TCN2: variants seen among roughly 807,000 people sequenced by gnomAD.
TCN2 encodes the protein transcobalamin-2.
In TCN2, 34 loss-of-function variants were observed where a neutral mutation model predicts 48.6. That is an observed-to-expected ratio of 0.70 (90% CI 0.53 to 0.93). The LOEUF (loss-of-function observed/expected upper bound fraction) is 0.93. TCN2 is among the 40% of genes least tolerant of loss of function. The probability of loss-of-function intolerance (pLI) is 0.00; values close to 1 mark genes in which losing one functional copy is unlikely to be tolerated. For missense variants in TCN2, 652 were observed against 526.1 expected, an observed-to-expected ratio of 1.24 and a Z score of -2.34; for synonymous variants, 283 against 212.5, an observed-to-expected ratio of 1.33 and a Z score of -2.89.
intron 8 of TCN2, among the ~76,000 whole-genome samples, chr22:30,625,559 C>T (rs1251591258): frequency 6.6e-6 from 1 of 152,110 alleles, no homozygotes; most frequent in African/African-American, 2.4e-5. Flanking sequence ...GCCTCCCTGG[C>T]TTAAGCGATC....
intron 7 of TCN2, 24 bp downstream of exon 7, chr22:30,617,519 T>A (rs942554685): frequency 6.2e-6 from 10 of 1,613,760 alleles, no homozygotes; most frequent in Non-Finnish European, 8.5e-6. Context: ...CTCCCAGTCC[T>A]CACCCCACCC....
chr22:30,620,681 A>C (rs977616060), intron 7 of TCN2, among the ~76,000 whole-genome samples: 2 of 152,240 alleles, frequency 1.3e-5, no homozygotes, highest in Non-Finnish European at 2.9e-5. Flanking sequence ...AATGAAAGAC[A>C]ATTAGAATTT....
At position 30,623,101 on chromosome 22, in the gene TCN2, A is replaced by C. The variant is rs2087722385; in HGVS notation, c.1222+18A>C. ...GTTGCAAGGTGAGTCATGGCCTGAC[A>C]CTCTGGATGTGTCCCCTACCCCAAG... On this transcript the variant is annotated intron_variant, in intron 8 of 8. Transcript: ENST00000215838. 1 of 1,612,472 alleles carries C rather than the reference A, an allele frequency of 6.2e-7. No homozygotes were observed. The highest frequency in any genetic ancestry group is 2.2e-5 in the East Asian group (1 of 44,834).
chr22:30,610,213 C>T, intron 1 of TCN2: 2 of 471,178 alleles, frequency 4.2e-6, no homozygotes, highest in South Asian at 3.1e-5. Flanking sequence ...CTCACAATCT[C>T]AGGTCCTCTT....
intron 7 of TCN2, among the ~76,000 whole-genome samples, chr22:30,621,447 C>T (rs1481665087): frequency 6.7e-6 from 1 of 148,650 alleles, no homozygotes; most frequent in Admixed American, 6.8e-5. Context: ...CATTTGCATT[C>T]TCCCAGAACC....
At chr22:30,621,294 G>A (rs1009148042) in intron 7 of TCN2, among the ~76,000 whole-genome samples, 1 of 151,994 alleles carries the variant, frequency 6.6e-6, no homozygotes, top group Non-Finnish European at 1.5e-5. Context: ...CGCCCCACCT[G>A]TGTTTCTTAA....
At chr22:30,625,858 G>A (rs746726090) in intron 8 of TCN2, among the ~76,000 whole-genome samples, 42 of 152,046 alleles carry the variant, frequency 2.8e-4, no homozygotes, top group Non-Finnish European at 5.3e-4. Context: ...CATCACCTTT[G>A]GGGTTAGGTT....
At chr22:30,623,555 ATTAC>A (rs2087730645) in intron 8 of TCN2, among the ~76,000 whole-genome samples, 2 of 151,696 alleles carry the variant, frequency 1.3e-5, no homozygotes, top group African/African-American at 4.8e-5. Flanking sequence ...CCCAGCCAAA[ATTAC>A]TTAACTTTTC....
intron 7 of TCN2, among the ~76,000 whole-genome samples, chr22:30,621,702 A>C (rs371460177): frequency 2.9e-4 from 44 of 151,986 alleles, no homozygotes; most frequent in Middle Eastern, 3.4e-3. Context: ...CAGGCTGGTC[A>C]TGAACTCCTG....
rs751209025 is a variant in TCN2 at position 30,615,749 on chromosome 22, A to G, written c.902A>G (p.Tyr301Cys). 2.5e-6 allele frequency: 4 copies of G among 1,614,056 alleles called. No homozygotes were observed. The highest frequency in any genetic ancestry group is 1.7e-5 in the Admixed American group (1 of 59,986). Residue 301 changes from tyrosine (Y) to cysteine (C), a missense_variant, in exon 6 of 9, where the codon TAC (tyrosine) becomes TGC (cysteine). Coordinates refer to ENST00000215838, the MANE Select transcript of TCN2 (RefSeq NM_000355.4). ...CTGCCCGTTCTGAACCACAAGACCT[A>G]CATTGATCTGATCTTCCCAGACTGT... ...QLLPVLNHKT[Y>C]IDLIFPDCLA...
At position 30,615,391 on chromosome 22, in the gene TCN2, G is replaced by C. The variant is rs758319550; in HGVS notation, c.671G>C (p.Arg224Thr). Residue 224 changes from arginine to threonine, a missense_variant, in exon 5 of 9, where the codon AGA becomes ACA. By Grantham distance (71) the Arg-to-Thr change is moderately conservative. Transcript: ENST00000215838. ...GRRQRITMAI[R>T]TVREEILKAQ... ...AGACAACGGATCACCATGGCCATCA[G>C]AACAGTGCGAGAGGAGATCTTGAAG... 5 of 1,614,070 alleles carry C rather than the reference G, an allele frequency of 3.1e-6. No homozygotes were observed. Among genetic ancestry groups the C allele is most frequent in the Non-Finnish European group, 3.4e-6 (4 of 1,180,054 alleles).
At position 30,618,659 on chromosome 22, in the gene TCN2, A is replaced by C. The variant is rs569350024; in HGVS notation, c.1106+1164A>C. On this transcript the variant is annotated intron_variant, in intron 7 of 8. Transcript: ENST00000215838. ...GGCCTCCGTGCCCGGCCATGTATTTATTTAGGCAAGGTCTCTCTCTGTTAT... is the reference window on the plus strand; with the variant it reads ...GGCCTCCGTGCCCGGCCATGTATTTCTTTAGGCAAGGTCTCTCTCTGTTAT... Among the ~76,000 whole-genome samples, 8 of 150,294 alleles carry C rather than the reference A, an allele frequency of 5.3e-5. No individual in the cohort carries two copies. In the East Asian group the frequency reaches 1.6e-3, roughly 30 times the overall value.
rs2087821189 is a variant in TCN2 at position 30,627,023 on chromosome 22, T to C, written c.*502T>C. On this transcript the variant is annotated 3_prime_UTR_variant, in exon 9 of 9. Transcript: ENST00000215838. ...TCAGCAGGGCTGCTCAGTGCCTGCC[T>C]CTGACAAAATTAAAGCATTGATGGC... 1 of 195,726 alleles carries C rather than the reference T, an allele frequency of 5.1e-6. No homozygotes were observed. Among genetic ancestry groups the C allele is most frequent in the Non-Finnish European group, 1.1e-5 (1 of 93,524 alleles). The allele number at this position is 195,726 out of a possible 1,614,324, so 12.1% of individuals were successfully genotyped here.
chr22:30,613,468 G>T (rs553390639), intron 3 of TCN2, among the ~76,000 whole-genome samples: 101 of 152,124 alleles, frequency 6.6e-4, no homozygotes, highest in African/African-American at 2.3e-3. Flanking sequence ...TAGTAGACGT[G>T]GGGTTTCTCC....
chr22:30,613,509 C>T (rs945389483), intron 3 of TCN2, among the ~76,000 whole-genome samples: 9 of 152,140 alleles, frequency 5.9e-5, no homozygotes, highest in Admixed American at 3.3e-4. Context: ...GAACTCCTGA[C>T]CTCAGGTGAT....
intron 8 of TCN2, among the ~76,000 whole-genome samples, chr22:30,625,947 G>A (rs190116388): frequency 7.2e-5 from 11 of 152,226 alleles, no homozygotes; most frequent in African/African-American, 2.2e-4. Flanking sequence ...CTGACACCTG[G>A]CTATCTCAAA....
At chr22:30,614,647 C>T (rs560475856) in intron 4 of TCN2, 146 bp downstream of exon 4, 6 of 1,231,944 alleles carry the variant, frequency 4.9e-6, no homozygotes, top group Non-Finnish European at 6.8e-6. Context: ...TTGGCGAGGG[C>T]TCATGGGTGA....
rs1405645109 is a variant in TCN2, at chr22:30,623,947, C to CATATATACACACACATAT, written c.1222+868_1222+869insATACACACACATATATAT. Among the ~76,000 whole-genome samples the CATATATACACACACATAT allele has an allele frequency of 5.1e-4, 14 of 27,432 alleles. 6 individuals are homozygous for CATATATACACACACATAT. The African/African-American group carries it at 5.2e-3, about 10-fold the overall frequency. 18.0% of individuals were successfully genotyped at this position (27,432 alleles called of 152,430 possible). ...ATATGTATACATATATACACACACA[C>CATATATACACACACATAT]ATATGTATACATATATACACACACA... On this transcript the variant is annotated intron_variant, in intron 8 of 8. Coordinates refer to ENST00000215838, the MANE Select transcript of TCN2 (RefSeq NM_000355.4).
At chr22:30,624,209 G>A (rs2145560447) in intron 8 of TCN2, among the ~76,000 whole-genome samples, 1 of 151,446 alleles carries the variant, frequency 6.6e-6, no homozygotes, top group East Asian at 1.9e-4. Flanking sequence ...CAAGTAGCTG[G>A]GATTACAGGT....
Sources: gnomAD v4.1 joint callset for allele counts (sites outside exome capture counted in the v4.1 genomes callset) on GRCh38, gnomAD v4.1.1 for gene constraint, MANE v1.5 for transcripts, NCBI Gene and HGNC (gene_info 2026-07-23, HGNC 2026-07-21) for gene names.